TMIGD1: variants seen among roughly 807,000 people sequenced by gnomAD.
TMIGD1 encodes the protein transmembrane and immunoglobulin domain-containing protein 1.
In TMIGD1, 29 loss-of-function variants were observed where a neutral mutation model predicts 27.5. The ratio of observed to expected loss-of-function variants is 1.05; its 90% confidence interval spans 0.78 to 1.44. The LOEUF (loss-of-function observed/expected upper bound fraction) is 1.44. Ranked by LOEUF, TMIGD1 falls within the 40% of genes most tolerant of loss-of-function variation. TMIGD1 has a pLI of 0.00. For synonymous variants in TMIGD1, 109 were observed against 110.3 expected, an observed-to-expected ratio of 0.99 and a Z score of 0.07; for missense variants, 334 against 310.6, an observed-to-expected ratio of 1.08 and a Z score of -0.57.
chr17:30,319,519 T>C (rs192786349), intron 4 of TMIGD1, among the ~76,000 whole-genome samples: 1 of 150,694 alleles, frequency 6.6e-6, no homozygotes, highest in Admixed American at 6.6e-5. Flanking sequence ...TAATTTATTG[T>C]AATATGAGTA....
chr17:30,328,299 G>C (rs532312275), intron 3 of TMIGD1, among the ~76,000 whole-genome samples: 1 of 152,210 alleles, frequency 6.6e-6, no homozygotes, highest in East Asian at 1.9e-4. Flanking sequence ...GCCTCCCAAA[G>C]TGTTGGGATT....
At position 30,327,078 on chromosome 17, in the gene TMIGD1, A is replaced by ACT. The variant is rs1555601428; in HGVS notation, c.362-1986_362-1985dup. 8.4e-3 allele frequency among the ~76,000 whole-genome samples: 1,272 copies of ACT among 151,658 alleles called. 20 individuals are homozygous for ACT. Among genetic ancestry groups the ACT allele is most frequent in the African/African-American group, 0.029 (1,211 of 41,152 alleles). ...CACACACACACACACACACACACACACTTAGCAACAATGATATTTAGGAGA... is the reference window on the plus strand; with the variant it reads ...CACACACACACACACACACACACACACTCTTAGCAACAATGATATTTAGGAGA... On this transcript the variant is annotated intron_variant, in intron 3 of 6. Coordinates refer to ENST00000328886, the MANE Select transcript of TMIGD1 (RefSeq NM_206832.3).
intron 3 of TMIGD1, among the ~76,000 whole-genome samples, chr17:30,327,100 G>A (rs1909808185): frequency 6.6e-6 from 1 of 151,776 alleles, no homozygotes; most frequent in African/African-American, 2.4e-5. Flanking sequence ...TGATATTTAG[G>A]AGATTGTTAT....
chr17:30,332,393 T>C (rs1252567673), intron 1 of TMIGD1, among the ~76,000 whole-genome samples: 4 of 152,220 alleles, frequency 2.6e-5, no homozygotes, highest in African/African-American at 4.8e-5. Context: ...CTATGACAGA[T>C]AGAGCAGCGT....
chr17:30,320,353 T>C (rs1037561343), intron 4 of TMIGD1, among the ~76,000 whole-genome samples: 15 of 152,112 alleles, frequency 9.9e-5, no homozygotes, highest in Admixed American at 5.9e-4. Context: ...ACTTTATTTA[T>C]CAGTCACTAT....
chr17:30,328,822 G>T (rs1000801736), intron 3 of TMIGD1, among the ~76,000 whole-genome samples: 1 of 151,730 alleles, frequency 6.6e-6, no homozygotes, highest in Non-Finnish European at 1.5e-5. Flanking sequence ...AAATTAGCTG[G>T]GCATGGTAGT....
intron 4 of TMIGD1, among the ~76,000 whole-genome samples, chr17:30,321,831 A>G (rs565034665): frequency 9.2e-5 from 14 of 152,194 alleles, no homozygotes; most frequent in South Asian, 6.2e-4. Context: ...ACCAGTTATT[A>G]TTATAATTAT....
At position 30,316,625 on chromosome 17, in the gene TMIGD1, T is replaced by C. The variant is rs1254262966; in HGVS notation, c.*62A>G. On this transcript the variant is annotated 3_prime_UTR_variant, in exon 7 of 7. Transcript: ENST00000328886. Reference sequence around the variant, plus strand: ...TAATAGCAATAAATACAGATGGGACTACATAAATTGTGGAGGTCCTGATGC... The same window carrying C: ...TAATAGCAATAAATACAGATGGGACCACATAAATTGTGGAGGTCCTGATGC... The C allele has an allele frequency of 6.4e-7, 1 of 1,555,174 alleles. No individual in the cohort carries two copies. Among genetic ancestry groups the C allele is most frequent in the Non-Finnish European group, 8.8e-7 (1 of 1,130,408 alleles).
At chr17:30,332,875 C>T (rs1567852792) in intron 1 of TMIGD1, among the ~76,000 whole-genome samples, 2 of 152,116 alleles carry the variant, frequency 1.3e-5, no homozygotes, top group South Asian at 2.1e-4. Context: ...GAACCACATA[C>T]GGAAAACTTT....
chr17:30,319,439 A>G (rs1180742028), intron 4 of TMIGD1, among the ~76,000 whole-genome samples: 1 of 146,438 alleles, frequency 6.8e-6, no homozygotes, highest in African/African-American at 2.5e-5. Context: ...CAAAAAAAAA[A>G]AAAAAAAAAA....
chr17:30,325,134 C>A, intron 3 of TMIGD1, 40 bp from the exon 4 acceptor site: 1 of 1,565,674 alleles, frequency 6.4e-7, no homozygotes, highest in Non-Finnish European at 8.7e-7. Context: ...AGCAGATAAG[C>A]AATAGTTCAC....
At chr17:30,319,261 A>AAAAAAAAAAAAAAAAATATAT in intron 4 of TMIGD1, among the ~76,000 whole-genome samples, 15 of 69,040 alleles carry the variant, frequency 2.2e-4, no homozygotes, top group African/African-American at 1.3e-3. Flanking sequence ...AAAAAAAAAA[A>AAAAAAAAAAAAAAAAATATAT]ATATATATAT....
Position 30,326,708 on chromosome 17 carries a change from G to A in TMIGD1, c.362-1614C>T, listed in dbSNP as rs530826402. On this transcript the variant is annotated intron_variant, in intron 3 of 6. Coordinates refer to ENST00000328886, the MANE Select transcript of TMIGD1 (RefSeq NM_206832.3). ...AACATCCTTGTACATATCTCTTTAT[G>A]ATCCTGTACATGTATTTCTCCAACG... Among the ~76,000 whole-genome samples the A allele has an allele frequency of 2.0e-5, 3 of 152,196 alleles. No homozygotes were observed. In the East Asian group the frequency reaches 5.8e-4, roughly 29 times the overall value.
intron 4 of TMIGD1, among the ~76,000 whole-genome samples, chr17:30,320,429 ATGAT>A (rs1319803468): frequency 6.6e-6 from 1 of 152,190 alleles, no homozygotes; most frequent in Non-Finnish European, 1.5e-5. Context: ...CCAGAAAAAA[ATGAT>A]TGGCCCCAAG....
At position 30,319,261 on chromosome 17, in the gene TMIGD1, A is replaced by AAAAATATATATATATATAT; in HGVS notation, c.641-349_641-348insATATATATATATATATTTT. The stretch of plus-strand genomic sequence containing the variant: ...TGTAAAAAAAAAAGAAAAAAAAAAA[A>AAAAATATATATATATATAT]ATATATATATATATATAGCTGGGCA... On this transcript the variant is annotated intron_variant, in intron 4 of 6. Coordinates refer to ENST00000328886, the MANE Select transcript of TMIGD1 (RefSeq NM_206832.3). 2.2e-4 allele frequency among the ~76,000 whole-genome samples: 15 copies of AAAAATATATATATATATAT among 69,034 alleles called. No individual in the cohort carries two copies. The East Asian group carries it at 2.9e-3, about 13-fold the overall frequency. The allele number at this position is 69,034 out of a possible 152,430, so 45.3% of individuals were successfully genotyped here.
At chr17:30,333,313 C>T (rs944256421) in intron 1 of TMIGD1, among the ~76,000 whole-genome samples, 14 of 150,352 alleles carry the variant, frequency 9.3e-5, no homozygotes, top group Non-Finnish European at 1.5e-4. Flanking sequence ...TGGTGGCGAG[C>T]GCCTGTAATC....
In TMIGD1 at chr17:30,329,498, C is replaced by G; in HGVS notation, c.114G>C (p.Glu38Asp). 3.1e-6 allele frequency: 5 copies of G among 1,613,236 alleles called. No individual in the cohort carries two copies. Among genetic ancestry groups the G allele is most frequent in the Non-Finnish European group, 4.2e-6 (5 of 1,179,314 alleles). Residue 38 changes from glutamate to aspartate, a missense_variant, in exon 3 of 7, where the codon GAG (glutamate) becomes GAC (aspartate). Glu to Asp is a conservative substitution (Grantham distance 45). Coordinates refer to ENST00000328886, the MANE Select transcript of TMIGD1 (RefSeq NM_206832.3). ...SSVLTVNGKTENYILDTTPGS... is the reference protein window; with the variant it reads ...SSVLTVNGKTDNYILDTTPGS... ...CAGGTGTAGTATCCAGGATATAGTT[C>G]TCAGTTTTACCATTCACAGTTAAAA...
chr17:30,333,176 C>T (rs1910037034), intron 1 of TMIGD1, among the ~76,000 whole-genome samples: 1 of 151,888 alleles, frequency 6.6e-6, no homozygotes, highest in African/African-American at 2.4e-5. Flanking sequence ...TGCCTGTAAT[C>T]CCAGCACTTT....
intron 2 of TMIGD1, 96 bp downstream of exon 2, chr17:30,331,956 T>C (rs1371473161): frequency 1.3e-6 from 1 of 764,718 alleles, no homozygotes; most frequent in Non-Finnish European, 2.2e-6. Flanking sequence ...TCATTCCAAT[T>C]TGGAATTTAA....
Sources: allele counts gnomAD v4.1 joint callset (sites outside exome capture counted in the v4.1 genomes callset), GRCh38; gene constraint gnomAD v4.1.1; transcripts MANE v1.5; gene names NCBI Gene and HGNC (gene_info 2026-07-23, HGNC 2026-07-21).